WDR11: variants seen among roughly 807,000 people sequenced by gnomAD.
WDR11 encodes WD repeat-containing protein 11.
WDR11 carries 83 observed loss-of-function variants against 151.2 expected under a neutral mutation model. That is an observed-to-expected ratio of 0.55 (90% CI 0.46 to 0.66). The LOEUF (loss-of-function observed/expected upper bound fraction) is 0.66, where lower values mean the gene tolerates loss of function less well. WDR11 is among the 30% of genes least tolerant of loss of function. WDR11 has a pLI of 0.00. For synonymous variants in WDR11, 484 were observed against 533.1 expected (o/e 0.91, Z 1.27); for missense variants, 1,301 against 1,480.9 (o/e 0.88, Z 1.99).
intron 27 of WDR11, 188 bp from the exon 28 acceptor site, chr10:120,906,588 T>C (rs1054636149): frequency 6.2e-6 from 9 of 1,449,454 alleles, no homozygotes; most frequent in African/African-American, 1.4e-5. Flanking sequence ...TTAAAAAGCT[T>C]GTGTTTGGAG....
intron 13 of WDR11, 99 bp from the exon 14 acceptor site, chr10:120,883,681 G>A (rs963861543): frequency 1.1e-4 from 103 of 937,340 alleles, no homozygotes; most frequent in Non-Finnish European, 1.5e-4. Context: ...TTTAGAATGC[G>A]TCAGCTGAGT....
Position 120,858,768 on chromosome 10 carries a change from G to A in WDR11, c.324G>A (p.Glu108=). Residue 108 remains glutamate (E), a synonymous_variant, in exon 3 of 29, where the codon GAG becomes GAA. Coordinates refer to ENST00000263461, the MANE Select transcript of WDR11 (RefSeq NM_018117.12). ...TAGCAGCAGGAGTAGCTCAGTGTGAGATCCAAGAGCATGCCAAGCCTATCC... is the reference window on the plus strand; with the variant it reads ...TAGCAGCAGGAGTAGCTCAGTGTGAAATCCAAGAGCATGCCAAGCCTATCC... The part of the protein sequence containing the change: ...WDVAAGVAQC[E]IQEHAKPIQD... 3 of 1,614,186 alleles carry A rather than the reference G, an allele frequency of 1.9e-6. No homozygotes were observed. The highest frequency in any genetic ancestry group is 2.5e-6 in the Non-Finnish European group (3 of 1,180,034).
intron 2 of WDR11, among the ~76,000 whole-genome samples, chr10:120,854,385 T>C (rs1019107808): frequency 1.3e-5 from 2 of 152,270 alleles, no homozygotes; most frequent in African/African-American, 4.8e-5. Flanking sequence ...AATATTCCAC[T>C]GTAAGGATGT....
At chr10:120,852,204 G>A (rs1431282564) in intron 1 of WDR11, 6 of 347,316 alleles carry the variant, frequency 1.7e-5, no homozygotes, top group Admixed American at 1.3e-4. Context: ...GGATACTAAG[G>A]ATTAGAAATC....
intron 8 of WDR11, 88 bp downstream of exon 8, chr10:120,866,852 T>C: frequency 7.1e-7 from 1 of 1,417,134 alleles, no homozygotes; most frequent in Non-Finnish European, 9.8e-7. Context: ...ATAGGAGGGC[T>C]GGTTTTCTAT....
rs776267557 is a variant in WDR11 at position 120,883,811 on chromosome 10, C to T, written c.1771C>T (p.Pro591Ser). 3 of 1,613,352 alleles carry T rather than the reference C, an allele frequency of 1.9e-6. No individual in the cohort carries two copies. Among genetic ancestry groups the T allele is most frequent in the African/African-American group, 1.3e-5 (1 of 74,868 alleles). The change falls in exon 14 of 29, where the codon CCC becomes TCC. Residue 591 changes from proline to serine, a missense_variant. Pro to Ser is a moderately conservative substitution (Grantham distance 74). Coordinates refer to ENST00000263461, the MANE Select transcript of WDR11 (RefSeq NM_018117.12). ...QYLAVVFRDK[P>S]LELWDVRTCT... Reference sequence around the variant, plus strand: ...TTTGGCAGTCGTATTCAGAGATAAACCCCTGGAGCTATGGGATGTTAGGAC... The same window carrying T: ...TTTGGCAGTCGTATTCAGAGATAAATCCCTGGAGCTATGGGATGTTAGGAC...
At chr10:120,866,415 A>G (rs1383235497) in intron 7 of WDR11, among the ~76,000 whole-genome samples, 154 bp from the exon 8 acceptor site, 2 of 152,202 alleles carry the variant, frequency 1.3e-5, no homozygotes, top group Admixed American at 6.5e-5. Context: ...TTTGGAAAAA[A>G]TTTAGTAGTA....
At chr10:120,864,787 ATAACT>A (rs1227668508) in intron 5 of WDR11, among the ~76,000 whole-genome samples, 1 of 152,196 alleles carries the variant, frequency 6.6e-6, no homozygotes, top group Non-Finnish European at 1.5e-5. Context: ...TGTAATATTA[ATAACT>A]TAATATTCTA....
At chr10:120,872,914 C>G (rs1846599641) in intron 10 of WDR11, among the ~76,000 whole-genome samples, 1 of 152,150 alleles carries the variant, frequency 6.6e-6, no homozygotes, top group Admixed American at 6.6e-5. Context: ...TTTACTTCCA[C>G]TCTGTTGCTT....
At chr10:120,883,049 G>A (rs1035929171) in intron 13 of WDR11, among the ~76,000 whole-genome samples, 2 of 151,854 alleles carry the variant, frequency 1.3e-5, no homozygotes, top group African/African-American at 4.8e-5. Context: ...AATTTCCATG[G>A]GGTGTTATTC....
intron 22 of WDR11, 61 bp downstream of exon 22, chr10:120,902,383 A>G: frequency 6.8e-7 from 1 of 1,469,704 alleles, no homozygotes; most frequent in South Asian, 1.2e-5. Flanking sequence ...CATTTCTTTT[A>G]AGGGTTTTTA....
chr10:120,874,286 C>CAT (rs1846676890), intron 11 of WDR11, among the ~76,000 whole-genome samples: 1 of 148,868 alleles, frequency 6.7e-6, no homozygotes, highest in Non-Finnish European at 1.5e-5. Context: ...TGTTGCACCT[C>CAT]ATTTATTTCT....
chr10:120,874,184 TTTTTTTTTGTTG>T (rs1483550659), intron 11 of WDR11, among the ~76,000 whole-genome samples: 5 of 62,344 alleles, frequency 8.0e-5, no homozygotes, highest in African/African-American at 2.6e-4. Context: ...CAGTTTTTTT[TTTTTTTTTGTTG>T]TTGTTGTTGT....
intron 16 of WDR11, among the ~76,000 whole-genome samples, chr10:120,887,567 CAT>C: frequency 6.6e-6 from 1 of 152,300 alleles, no homozygotes; most frequent in East Asian, 1.9e-4. Context: ...TTTGGGGTCT[CAT>C]AAAGTTACAA....
At chr10:120,851,773 G>C (rs1212280784) in intron 1 of WDR11, 1 of 558,046 alleles carries the variant, frequency 1.8e-6, no homozygotes, top group South Asian at 2.0e-5. Context: ...CCCTTTTGCC[G>C]TTCCATTCCT....
intron 22 of WDR11, 87 bp from the exon 23 acceptor site, chr10:120,902,968 C>A: frequency 9.4e-6 from 13 of 1,390,298 alleles, no homozygotes; most frequent in Non-Finnish European, 1.3e-5. Flanking sequence ...TGTGACAACA[C>A]TCCCTTCCAG....
chr10:120,887,278 G>GT (rs1272376132), intron 16 of WDR11, among the ~76,000 whole-genome samples: 1 of 152,176 alleles, frequency 6.6e-6, no homozygotes, highest in African/African-American at 2.4e-5. Flanking sequence ...GGTTGTAAGT[G>GT]TAATAGTATT....
At chr10:120,887,720 A>G (rs932986127) in intron 16 of WDR11, among the ~76,000 whole-genome samples, 13 of 152,186 alleles carry the variant, frequency 8.5e-5, no homozygotes, top group Admixed American at 8.5e-4. Context: ...CGATCTTTCC[A>G]TAAGGCTGCT....
intron 1 of WDR11, 98 bp downstream of exon 1, chr10:120,851,604 T>G: frequency 6.8e-7 from 1 of 1,471,558 alleles, no homozygotes; most frequent in East Asian, 2.4e-5. Context: ...TAGTTTGGCC[T>G]CGCTAAGGCA....
Sources: allele counts gnomAD v4.1 joint callset (sites outside exome capture counted in the v4.1 genomes callset), GRCh38; gene constraint gnomAD v4.1.1; transcripts MANE v1.5; gene names NCBI Gene and HGNC (gene_info 2026-07-23, HGNC 2026-07-21).